Variants in RBM41 observed in about 807,000 individuals in gnomAD.
RBM41 encodes the protein RNA binding motif protein 41, also known as RNA-binding protein 41.
A neutral mutation model predicts 30.8 loss-of-function variants in RBM41; 14 were observed. That is an observed-to-expected ratio of 0.45 (90% CI 0.30 to 0.71). The LOEUF (loss-of-function observed/expected upper bound fraction) is 0.71, where lower values mean the gene tolerates loss of function less well. Among genes scored for constraint, RBM41 ranks in the 30% least tolerant of loss-of-function variants. The pLI is 0.08. For missense variants in RBM41, 276 were observed against 326.3 expected, an observed-to-expected ratio of 0.85 and a Z score of 1.19; for synonymous variants, 120 against 110.1, an observed-to-expected ratio of 1.09 and a Z score of -0.56.
At chrX:107,100,193 T>C (rs1923331260) in intron 5 of RBM41, among the ~76,000 whole-genome samples, 2 of 112,282 alleles carry the variant, frequency 1.8e-5, no homozygotes, top group Non-Finnish European at 3.8e-5. Context: ...CCAGGTGTGG[T>C]GGCTCATGCC....
chrX:107,076,823 G>A (rs967663445), intron 6 of RBM41, among the ~76,000 whole-genome samples: 2 of 111,401 alleles, frequency 1.8e-5, no homozygotes, highest in Non-Finnish European at 3.8e-5. Flanking sequence ...TCAGGCAGGA[G>A]CAGCAAAAGC....
At chrX:107,070,401 T>A (rs1459986935) in intron 6 of RBM41, 1 of 323,790 alleles carries the variant, frequency 3.1e-6, no homozygotes, top group Non-Finnish European at 6.0e-6. Flanking sequence ...ATTTTGGAAG[T>A]CTTCTCTGGG....
intron 5 of RBM41, among the ~76,000 whole-genome samples, chrX:107,094,479 C>A (rs758850275): frequency 8.9e-6 from 1 of 111,798 alleles, no homozygotes; most frequent in Non-Finnish European, 1.9e-5. Flanking sequence ...AAATCCAATA[C>A]CCATTTATAA....
At position 107,067,680 on chromosome X, in the gene RBM41, T is replaced by C. The variant is rs772741968; in HGVS notation, c.1161A>G (p.Ala387=). The change falls in exon 8 of 8, where the codon GCA becomes GCG. Residue 387 remains alanine, a synonymous_variant. Transcript: ENST00000685964. The part of the protein sequence containing the change: ...AFITFPNKEI[A]WQALHLVNGY... Reference sequence around the variant, plus strand: ...CATTTACTAGATGCAATGCTTGCCATGCTATCTCCTTATCTAAAAGAGAAA... The same window carrying C: ...CATTTACTAGATGCAATGCTTGCCACGCTATCTCCTTATCTAAAAGAGAAA... The C allele has an allele frequency of 2.5e-6, 3 of 1,204,707 alleles. No homozygotes were observed. Among genetic ancestry groups the C allele is most frequent in the Admixed American group, 2.2e-5 (1 of 44,881 alleles).
chrX:107,115,281 A>G, intron 4 of RBM41, 71 bp downstream of exon 4: 2 of 1,085,337 alleles, frequency 1.8e-6, no homozygotes, highest in Non-Finnish European at 2.5e-6. Context: ...CTAACTCTTC[A>G]TATTTAATGC....
At position 107,116,547 on chromosome X, in the gene RBM41, G is replaced by C. The variant is rs774743455; in HGVS notation, c.125+103C>G. ...ACCTAATACATTGAAGTCTAACAAAGAAAGGGAGGTGGGAGAGGAACATTC... is the reference window on the plus strand; with the variant it reads ...ACCTAATACATTGAAGTCTAACAAACAAAGGGAGGTGGGAGAGGAACATTC... On this transcript the variant is annotated intron_variant, in intron 2 of 7. Coordinates refer to ENST00000685964, the MANE Select transcript of RBM41 (RefSeq NM_001324242.2). 36 of 1,106,035 alleles carry C rather than the reference G, an allele frequency of 3.3e-5. No homozygotes were observed. In the South Asian group the frequency reaches 7.4e-4, roughly 23 times the overall value. The allele number at this position is 1,106,035 out of a possible 1,213,427, so 91.1% of individuals were successfully genotyped here.
At chrX:107,083,397 T>G (rs372320602) in intron 6 of RBM41, among the ~76,000 whole-genome samples, 2 of 111,311 alleles carry the variant, frequency 1.8e-5, no homozygotes, top group African/African-American at 3.3e-5. Flanking sequence ...CTGGTATTTA[T>G]CCTGCTTGGT....
the RBM41 span, among the ~76,000 whole-genome samples, chrX:107,056,454 A>G: frequency 1.7e-4 from 19 of 111,962 alleles, no homozygotes; most frequent in African/African-American, 5.8e-4. Context: ...AGAGTTTGAG[A>G]AAGATTGGTG....
chrX:107,080,417 A>G (rs1410081525), intron 6 of RBM41, among the ~76,000 whole-genome samples: 1 of 111,227 alleles, frequency 9.0e-6, no homozygotes, highest in African/African-American at 3.3e-5. Flanking sequence ...CATCTCTACT[A>G]AAAATACAAA....
At chrX:107,105,083 T>C (rs776903649) in intron 5 of RBM41, among the ~76,000 whole-genome samples, 34 of 111,433 alleles carry the variant, frequency 3.1e-4, no homozygotes, top group African/African-American at 1.1e-3. Context: ...AAATTGTCCC[T>C]GTTTGCAGAT....
intron 5 of RBM41, among the ~76,000 whole-genome samples, chrX:107,089,388 T>C (rs1922321909): frequency 8.9e-6 from 1 of 112,198 alleles, no homozygotes; most frequent in Non-Finnish European, 1.9e-5. Flanking sequence ...AATCATTTTC[T>C]GATGGTGTTG....
At chrX:107,104,090 C>G (rs1305096400) in intron 5 of RBM41, among the ~76,000 whole-genome samples, 1 of 110,391 alleles carries the variant, frequency 9.1e-6, no homozygotes, top group Admixed American at 9.7e-5. Flanking sequence ...CTCCCCTACC[C>G]CCCCGCCAGA....
intron 5 of RBM41, among the ~76,000 whole-genome samples, chrX:107,103,640 T>G (rs1923661977): frequency 8.9e-6 from 1 of 111,833 alleles, no homozygotes; most frequent in African/African-American, 3.2e-5. Flanking sequence ...TAGAAAACTC[T>G]TCTAAGAATT....
intron 6 of RBM41, among the ~76,000 whole-genome samples, chrX:107,076,708 T>C (rs1321566545): frequency 1.8e-5 from 2 of 111,389 alleles, no homozygotes; most frequent in Admixed American, 1.9e-4. Flanking sequence ...AGGATAGATC[T>C]TGTGTTTTTA....
At chrX:107,070,986 G>A (rs1157854093) in intron 6 of RBM41, among the ~76,000 whole-genome samples, 1 of 107,869 alleles carries the variant, frequency 9.3e-6, no homozygotes, top group Non-Finnish European at 1.9e-5. Flanking sequence ...GGAGTTTGAG[G>A]CTGTAGTGAA....
At chrX:107,095,406 G>A (rs997923709) in intron 5 of RBM41, among the ~76,000 whole-genome samples, 3 of 110,065 alleles carry the variant, frequency 2.7e-5, no homozygotes, top group Non-Finnish European at 5.7e-5. Context: ...GAACAGCCTG[G>A]CCAATATGGT....
At chrX:107,089,523 A>C (rs1922330219) in intron 5 of RBM41, among the ~76,000 whole-genome samples, 1 of 112,002 alleles carries the variant, frequency 8.9e-6, no homozygotes, top group Non-Finnish European at 1.9e-5. Flanking sequence ...TCCTCAGCCG[A>C]ACTTAACAAA....
chrX:107,085,254 CT>C (rs1186644480), intron 6 of RBM41, among the ~76,000 whole-genome samples: 1 of 82,975 alleles, frequency 1.2e-5, no homozygotes, highest in Non-Finnish European at 2.1e-5. Context: ...TCTTTTTTTT[CT>C]TTTTCTTTTT....
At chrX:107,073,200 C>T (rs1381836623) in intron 6 of RBM41, among the ~76,000 whole-genome samples, 1 of 111,510 alleles carries the variant, frequency 9.0e-6, no homozygotes. Context: ...AGTGAAAAGA[C>T]GAACTACAGA....
Sources: gnomAD v4.1 joint callset for allele counts (sites outside exome capture counted in the v4.1 genomes callset) on GRCh38, gnomAD v4.1.1 for gene constraint, MANE v1.5 for transcripts, NCBI Gene and HGNC (gene_info 2026-07-23, HGNC 2026-07-21) for gene names.